The following HKDC1 variants were observed in gnomAD, a reference collection of about 807,000 sequenced individuals.
The protein encoded by HKDC1 is hexokinase domain containing 1.
A neutral mutation model predicts 96.6 loss-of-function variants in HKDC1; 66 were observed. That is an observed-to-expected ratio of 0.68 (90% confidence interval 0.56 to 0.84). The LOEUF (loss-of-function observed/expected upper bound fraction) is 0.84, where lower values mean the gene tolerates loss of function less well. HKDC1 is among the 40% of genes least tolerant of loss of function. The pLI, the probability that HKDC1 is intolerant of heterozygous loss-of-function variation, is 0.00. For missense variants in HKDC1, 1,211 were observed against 1,208.1 expected, an observed-to-expected ratio of 1.00 and a Z score of -0.04; for synonymous variants, 466 against 473.1, an observed-to-expected ratio of 0.98 and a Z score of 0.20.
chr10:69,260,315 C>T (rs996081781), intron 15 of HKDC1, among the ~76,000 whole-genome samples: 1 of 152,126 alleles, frequency 6.6e-6, no homozygotes, highest in Non-Finnish European at 1.5e-5. Context: ...TTGTGGTAAG[C>T]CCAGCTGAAG....
Position 69,267,408 on chromosome 10 carries a change from G to A in HKDC1, c.*651G>A, listed in dbSNP as rs1235927380. 6.8e-6 allele frequency: 3 copies of A among 440,512 alleles called. No individual in the cohort carries two copies. Among genetic ancestry groups the A allele is most frequent in the African/African-American group, 6.2e-5 (3 of 48,690 alleles). The allele number at this position is 440,512 out of a possible 1,614,324, so 27.3% of individuals were successfully genotyped here. ...TGTAGGATTTTGTTCCTTATTAAGT[G>A]TGTGCCATGTGGTGGGGTGCTGTCT... On this transcript the variant is annotated 3_prime_UTR_variant, in exon 18 of 18. Coordinates refer to ENST00000354624, the MANE Select transcript of HKDC1 (RefSeq NM_025130.4).
chr10:69,229,581 G>A (rs1014575820), intron 2 of HKDC1, among the ~76,000 whole-genome samples: 2 of 152,186 alleles, frequency 1.3e-5, no homozygotes, highest in African/African-American at 4.8e-5. Flanking sequence ...TCCTGATACA[G>A]ACAAGGTGTG....
At chr10:69,249,565 C>T (rs941411795) in intron 10 of HKDC1, among the ~76,000 whole-genome samples, 3 of 152,126 alleles carry the variant, frequency 2.0e-5, no homozygotes, top group Admixed American at 1.3e-4. Flanking sequence ...GCGTGATCTC[C>T]GCTCACTGCA....
intron 2 of HKDC1, among the ~76,000 whole-genome samples, chr10:69,230,436 G>A (rs1213456295): frequency 2.0e-5 from 3 of 152,046 alleles, no homozygotes; most frequent in South Asian, 4.1e-4. Flanking sequence ...AGGAATCTCC[G>A]CATTCAGCCA....
intron 16 of HKDC1, among the ~76,000 whole-genome samples, chr10:69,263,475 C>G (rs1014057974): frequency 6.6e-6 from 1 of 152,118 alleles, no homozygotes; most frequent in African/African-American, 2.4e-5. Context: ...TTGGTAGGTG[C>G]TGTGCTGACT....
rs370124563 is a variant in HKDC1, at chr10:69,259,067, C to T, written c.2216+108C>T. The T allele has an allele frequency of 9.4e-4, 786 of 838,428 alleles. 15 individuals carry two copies. The South Asian group carries it at 0.02, about 21-fold the overall frequency. 51.9% of individuals were successfully genotyped at this position (838,428 alleles called of 1,614,324 possible). The stretch of plus-strand genomic sequence containing the variant: ...AGCTTTGTGTGCTTATTACAGCTGT[C>T]GAATGTCAGTGAAATATCCTATTGG... On this transcript the variant is annotated intron_variant, in intron 15 of 17. Transcript: ENST00000354624.
chr10:69,247,548 G>A lies in HKDC1; in HGVS notation c.1220G>A (p.Arg407Gln), dbSNP rs199822492. The A allele has an allele frequency of 9.9e-6, 16 of 1,614,102 alleles. No individual in the cohort carries two copies. Among genetic ancestry groups the A allele is most frequent in the East Asian group, 6.7e-5 (3 of 44,878 alleles). Residue 407 changes from arginine to glutamine, a missense_variant, in exon 9 of 18, where the codon CGG (arginine) becomes CAG (glutamine). Physicochemically the swap from Arg to Gln is conservative, Grantham distance 43. Transcript: ENST00000354624. The stretch of plus-strand genomic sequence containing the variant: ...GAGAACAAGAAGGTGGAACGGCTCC[G>A]GACCACAGTGGGCATGGACGGCACC... Reference protein sequence around the residue: ...LRENKKVERLRTTVGMDGTLY... With the variant: ...LRENKKVERLQTTVGMDGTLY...
At chr10:69,228,879 A>G (rs12253517) in intron 2 of HKDC1, among the ~76,000 whole-genome samples, 38,296 of 150,336 alleles carry the variant, frequency 0.25, 5,597 homozygotes, top group Non-Finnish European at 0.32. Context: ...AGAAAGAAAG[A>G]AAGGAAGAAG....
intron 4 of HKDC1, among the ~76,000 whole-genome samples, chr10:69,236,954 T>C (rs1294447434): frequency 1.3e-5 from 2 of 152,168 alleles, no homozygotes; most frequent in Non-Finnish European, 2.9e-5. Flanking sequence ...AATATTTGAA[T>C]GTGGCCTCAT....
intron 4 of HKDC1, 33 bp downstream of exon 4, chr10:69,233,166 T>G (rs202165523): frequency 6.2e-7 from 1 of 1,611,304 alleles, no homozygotes; most frequent in African/African-American, 1.3e-5. Context: ...AGTGCAGGAA[T>G]TGGGGCTTGG....
rs1377148695 is a variant in HKDC1 at position 69,240,766 on chromosome 10, C to T, written c.691+15C>T. 6.2e-7 allele frequency: 1 copy of T among 1,604,116 alleles called. No individual in the cohort carries two copies. Among genetic ancestry groups the T allele is most frequent in the Non-Finnish European group, 8.5e-7 (1 of 1,171,018 alleles). The stretch of plus-strand genomic sequence containing the variant: ...TGTCATCATCGGTAACTCAATTGGA[C>T]TGGTTTTTTGAGGGTAGGGGAGAAG... On this transcript the variant is annotated intron_variant, in intron 6 of 17. Coordinates refer to ENST00000354624, the MANE Select transcript of HKDC1 (RefSeq NM_025130.4).
chr10:69,257,516 A>G (rs2132373604), intron 14 of HKDC1, 90 bp downstream of exon 14: 1 of 1,045,026 alleles, frequency 9.6e-7, no homozygotes, highest in South Asian at 1.3e-5. Flanking sequence ...GCATTGTTCC[A>G]TTATACAGAG....
chr10:69,224,134 G>T lies in HKDC1; in HGVS notation c.64-3073G>T, dbSNP rs559738165. ...GAGGTGGCAGGATCACTGGAGCCCG[G>T]GAGGTTGAGGTTGCAGTGAGCTGTG... is the stretch of plus-strand genomic sequence containing the variant. On this transcript the variant is annotated intron_variant, in intron 1 of 17. Coordinates refer to ENST00000354624, the MANE Select transcript of HKDC1 (RefSeq NM_025130.4). Among the ~76,000 whole-genome samples, 3 of 151,410 alleles carry T rather than the reference G, an allele frequency of 2.0e-5. No homozygotes were observed. The South Asian group carries it at 6.2e-4, about 32-fold the overall frequency.
intron 1 of HKDC1, 38 bp from the exon 2 acceptor site, chr10:69,227,169 C>T: frequency 6.2e-7 from 1 of 1,611,090 alleles, no homozygotes; most frequent in Non-Finnish European, 8.5e-7. Flanking sequence ...GGGTGAGGGC[C>T]CCCAGCAGCA....
chr10:69,250,791 A>G, intron 12 of HKDC1, 139 bp downstream of exon 12: 1 of 874,926 alleles, frequency 1.1e-6, no homozygotes, highest in East Asian at 2.5e-5. Flanking sequence ...ATGATAGAGA[A>G]TTTCAACAAT....
chr10:69,256,969 G>T, intron 12 of HKDC1, 67 bp from the exon 13 acceptor site: 6 of 1,175,780 alleles, frequency 5.1e-6, no homozygotes, highest in Non-Finnish European at 7.7e-6. Context: ...GCATCTGTTG[G>T]ATGTTGAGGT....
chr10:69,231,332 T>C (rs938489604), intron 2 of HKDC1, among the ~76,000 whole-genome samples: 3 of 152,190 alleles, frequency 2.0e-5, no homozygotes, highest in Admixed American at 6.5e-5. Flanking sequence ...CCCAAGCTCC[T>C]TGGGGTGGAT....
At chr10:69,237,822 G>A (rs541653973) in intron 4 of HKDC1, among the ~76,000 whole-genome samples, 3 of 95,960 alleles carry the variant, frequency 3.1e-5, no homozygotes, top group South Asian at 2.9e-4. Context: ...CCTGCATTCG[G>A]CTTGGGCTCT....
intron 4 of HKDC1, 41 bp from the exon 5 acceptor site, chr10:69,239,001 G>A: frequency 6.9e-7 from 1 of 1,453,772 alleles, no homozygotes; most frequent in South Asian, 1.2e-5. Context: ...GCACATCTCA[G>A]CACGTCTTTC....
Sources: allele counts gnomAD v4.1 joint callset (sites outside exome capture counted in the v4.1 genomes callset), GRCh38; gene constraint gnomAD v4.1.1; transcripts MANE v1.5; gene names NCBI Gene and HGNC (gene_info 2026-07-23, HGNC 2026-07-21).